The following POLR3B variants were observed in gnomAD, a reference collection of about 807,000 sequenced individuals.
The protein encoded by POLR3B is RNA polymerase III subunit B, also known as DNA-directed RNA polymerase III subunit RPC2.
In POLR3B, 96 loss-of-function variants were observed where a neutral mutation model predicts 147.4. That is an observed-to-expected ratio of 0.65 (90% CI 0.55 to 0.77). POLR3B has a LOEUF of 0.77. Among genes scored for constraint, POLR3B ranks in the 30% least tolerant of loss-of-function variants. The pLI, the probability that POLR3B is intolerant of heterozygous loss-of-function variation, is 0.00. For missense variants in POLR3B, 1,036 were observed against 1,413.5 expected (o/e 0.73, Z 4.28); for synonymous variants, 461 against 485.9 (o/e 0.95, Z 0.67).
intron 19 of POLR3B, among the ~76,000 whole-genome samples, chr12:106,451,924 T>C (rs191599971): frequency 1.2e-4 from 18 of 152,308 alleles, no homozygotes; most frequent in African/African-American, 4.3e-4. Flanking sequence ...AAGGGAATCA[T>C]TGGAGACCAT....
At chr12:106,436,662 G>C (rs1420031893) in intron 16 of POLR3B, among the ~76,000 whole-genome samples, 1 of 152,146 alleles carries the variant, frequency 6.6e-6, no homozygotes, top group Non-Finnish European at 1.5e-5. Context: ...GTGAAATCGG[G>C]AAGTTTTTAG....
intron 14 of POLR3B, among the ~76,000 whole-genome samples, chr12:106,431,980 A>G (rs1241747526): frequency 6.6e-6 from 1 of 152,210 alleles, no homozygotes; most frequent in African/African-American, 2.4e-5. Flanking sequence ...TGTCATCATA[A>G]TGACTGTAAT....
At chr12:106,358,906 T>G (rs538055886) in intron 1 of POLR3B, among the ~76,000 whole-genome samples, 2 of 152,316 alleles carry the variant, frequency 1.3e-5, no homozygotes, top group South Asian at 4.1e-4. Flanking sequence ...GAAAGTGACA[T>G]GATCAGTAAG....
chr12:106,419,534 A>G (rs2037347109), intron 12 of POLR3B, among the ~76,000 whole-genome samples: 2 of 152,198 alleles, frequency 1.3e-5, no homozygotes, highest in Non-Finnish European at 2.9e-5. Flanking sequence ...TAGCTTAAAC[A>G]TACTTCACTG....
At chr12:106,443,301 A>G (rs533790021) in intron 18 of POLR3B, among the ~76,000 whole-genome samples, 116 of 152,350 alleles carry the variant, frequency 7.6e-4, no homozygotes, top group Middle Eastern at 3.4e-3. Context: ...TTACACTTTT[A>G]AAAGATTCAT....
Position 106,496,809 on chromosome 12 carries a change from C to T in POLR3B, c.2875C>T (p.His959Tyr), listed in dbSNP as rs764486483. The change falls in exon 25 of 28, where the codon CAC becomes TAC. Residue 959 changes from histidine (H) to tyrosine (Y), a missense_variant. His to Tyr is a moderately conservative substitution (Grantham distance 83). Transcript: ENST00000228347. Reference sequence around the variant, plus strand: ...GGCCGGTGTGCTGGACGGCAGATTCCACTACGGCACTGCGTTTGGAGGCAG... The same window carrying T: ...GGCCGGTGTGCTGGACGGCAGATTCTACTACGGCACTGCGTTTGGAGGCAG... ...GKAGVLDGRF[H>Y]YGTAFGGSKV... 6.2e-7 allele frequency: 1 copy of T among 1,614,088 alleles called. No individual in the cohort carries two copies. Among genetic ancestry groups the T allele is most frequent in the Admixed American group, 1.7e-5 (1 of 60,012 alleles).
intron 18 of POLR3B, among the ~76,000 whole-genome samples, chr12:106,438,558 C>T (rs933662401): frequency 6.6e-6 from 1 of 151,646 alleles, no homozygotes; most frequent in African/African-American, 2.4e-5. Flanking sequence ...TACAGTGGCA[C>T]AACATAGCTC....
At chr12:106,405,294 T>C (rs995730681) in intron 10 of POLR3B, among the ~76,000 whole-genome samples, 1 of 152,172 alleles carries the variant, frequency 6.6e-6, no homozygotes, top group African/African-American at 2.4e-5. Flanking sequence ...TGAACAGTTA[T>C]GAATGTATTG....
chr12:106,508,145 T>C (rs1443063388), intron 27 of POLR3B, among the ~76,000 whole-genome samples: 1 of 152,228 alleles, frequency 6.6e-6, no homozygotes, highest in African/African-American at 2.4e-5. Flanking sequence ...TAAATGTGTG[T>C]CCACAACAGC....
Position 106,457,192 on chromosome 12 carries a change from C to G in POLR3B, c.2348C>G (p.Thr783Ser). 1.2e-6 allele frequency: 2 copies of G among 1,612,660 alleles called. No individual in the cohort carries two copies. Among genetic ancestry groups the G allele is most frequent in the Non-Finnish European group, 1.7e-6 (2 of 1,178,726 alleles). ...KNAKCTLKRYTNQTFDKVMGP... is the reference protein window; with the variant it reads ...KNAKCTLKRYSNQTFDKVMGP... ...GCTAAATGTACGTTGAAACGATACA[C>G]CAATCAGACTTTTGATAAAGTGATG... The change falls in exon 21 of 28, where the codon ACC (threonine) becomes AGC (serine). Residue 783 changes from threonine to serine, a missense_variant. By Grantham distance (58) the Thr-to-Ser change is moderately conservative. Coordinates refer to ENST00000228347, the MANE Select transcript of POLR3B (RefSeq NM_018082.6).
intron 19 of POLR3B, among the ~76,000 whole-genome samples, chr12:106,444,961 G>A (rs1429195475): frequency 6.6e-6 from 1 of 152,040 alleles, no homozygotes; most frequent in African/African-American, 2.4e-5. Context: ...GAGGAAGAGG[G>A]AGAAAAAAAT....
At chr12:106,391,472 A>C (rs1002768776) in intron 9 of POLR3B, among the ~76,000 whole-genome samples, 2 of 152,180 alleles carry the variant, frequency 1.3e-5, no homozygotes, top group East Asian at 3.9e-4. Context: ...TAAAACCACC[A>C]ATGTTGGCCT....
chr12:106,370,627 TA>T lies in POLR3B; in HGVS notation c.404+945del, dbSNP rs1412725470. ...CTGTTTATCAGTGTTTTTTTTGTTT[TA>T]TTGTTTTTTTTTTTTTTTTTTGAGA... On this transcript the variant is annotated intron_variant, in intron 6 of 27. Transcript: ENST00000228347. 3.4e-3 allele frequency among the ~76,000 whole-genome samples: 514 copies of T among 150,554 alleles called. 5 individuals are homozygous for T. Among genetic ancestry groups the T allele is most frequent in the African/African-American group, 0.012 (497 of 40,524 alleles).
At chr12:106,435,030 G>A (rs1163671465) in intron 16 of POLR3B, among the ~76,000 whole-genome samples, 1 of 152,096 alleles carries the variant, frequency 6.6e-6, no homozygotes, top group Non-Finnish European at 1.5e-5. Context: ...GAGACTGCCT[G>A]TTAAACCTCA....
chr12:106,384,994 T>C (rs566865811), intron 9 of POLR3B, among the ~76,000 whole-genome samples: 2 of 152,132 alleles, frequency 1.3e-5, no homozygotes, highest in South Asian at 4.2e-4. Flanking sequence ...CCCAGCTAAT[T>C]TTTGTATTTT....
At chr12:106,480,018 TTTATTA>T (rs1160095782) in intron 23 of POLR3B, among the ~76,000 whole-genome samples, 48 of 151,322 alleles carry the variant, frequency 3.2e-4, no homozygotes, top group Admixed American at 2.4e-3. Flanking sequence ...TTTGGCTTTT[TTTATTA>T]TTATTATTTG....
At chr12:106,490,700 G>T (rs577474188) in intron 23 of POLR3B, among the ~76,000 whole-genome samples, 5 of 152,294 alleles carry the variant, frequency 3.3e-5, no homozygotes, top group South Asian at 2.1e-4. Context: ...CTGGAAAAGG[G>T]GAGGGGAAGA....
Position 106,433,744 on chromosome 12 carries a change from C to T in POLR3B, c.1653C>T (p.Asp551=). Residue 551 remains aspartate (D), a synonymous_variant, in exon 16 of 28, where the codon GAC becomes GAT. Transcript: ENST00000228347. The part of the protein sequence containing the change: ...LNGNILGVIR[D]HKKLVNTFRL... ...GTAACATCTTAGGTGTCATTCGAGACCACAAAAAGCTAGTGAATACATTTC... is the reference window on the plus strand; with the variant it reads ...GTAACATCTTAGGTGTCATTCGAGATCACAAAAAGCTAGTGAATACATTTC... 1 of 1,613,352 alleles carries T rather than the reference C, an allele frequency of 6.2e-7. No individual in the cohort carries two copies.
intron 9 of POLR3B, among the ~76,000 whole-genome samples, chr12:106,385,315 A>T (rs1177956937): frequency 6.6e-6 from 1 of 152,168 alleles, no homozygotes; most frequent in African/African-American, 2.4e-5. Context: ...ATGATAACCG[A>T]TTGTATATAG....
Sources: gnomAD v4.1 joint callset for allele counts (sites outside exome capture counted in the v4.1 genomes callset) on GRCh38, gnomAD v4.1.1 for gene constraint, MANE v1.5 for transcripts, NCBI Gene and HGNC (gene_info 2026-07-23, HGNC 2026-07-21) for gene names.